DENND1A: variants seen among roughly 807,000 people sequenced by gnomAD.
DENND1A encodes DENN domain-containing protein 1A.
A neutral mutation model predicts 113.7 loss-of-function variants in DENND1A; 51 were observed. That is an observed-to-expected ratio of 0.45 (90% CI 0.36 to 0.57). DENND1A has a LOEUF of 0.57. Ranked by LOEUF, DENND1A falls within the 20% of genes least tolerant of loss-of-function variation. The pLI is 0.00. For synonymous variants in DENND1A, 565 were observed against 570.8 expected (o/e 0.99, Z 0.14); for missense variants, 1,258 against 1,395.9 (o/e 0.90, Z 1.57).
intron 5 of DENND1A, among the ~76,000 whole-genome samples, chr9:123,717,804 C>T (rs1460312546): frequency 6.6e-6 from 1 of 152,188 alleles, no homozygotes; most frequent in Non-Finnish European, 1.5e-5. Flanking sequence ...CAGTTTGTTC[C>T]CTACCACTCT....
intron 8 of DENND1A, among the ~76,000 whole-genome samples, chr9:123,652,741 T>A (rs930183162): frequency 6.6e-6 from 1 of 152,136 alleles, no homozygotes; most frequent in Non-Finnish European, 1.5e-5. Flanking sequence ...TTTCGAACAT[T>A]TACAATTTCC....
At chr9:123,760,142 T>G (rs2070915666) in intron 4 of DENND1A, among the ~76,000 whole-genome samples, 1 of 152,208 alleles carries the variant, frequency 6.6e-6, no homozygotes, top group South Asian at 2.1e-4. Context: ...TTCAAATTGG[T>G]AAAATAGTCA....
At chr9:123,448,326 C>G (rs1015686066) in intron 18 of DENND1A, among the ~76,000 whole-genome samples, 6 of 152,190 alleles carry the variant, frequency 3.9e-5, no homozygotes, top group African/African-American at 1.4e-4. Context: ...TGTTACTTAT[C>G]ATAAGAAGGG....
At chr9:123,412,205 C>T (rs966808829) in intron 19 of DENND1A, among the ~76,000 whole-genome samples, 7 of 152,346 alleles carry the variant, frequency 4.6e-5, no homozygotes, top group Admixed American at 2.6e-4. Context: ...ACTGCATGTC[C>T]CCCAAGACCG....
At chr9:123,620,263 AAAG>A (rs1441584186) in intron 10 of DENND1A, among the ~76,000 whole-genome samples, 1 of 151,720 alleles carries the variant, frequency 6.6e-6, no homozygotes. Context: ...AAAAAGGAAA[AAAG>A]AAATCATCCA....
In DENND1A at chr9:123,531,602, C is replaced by G. The variant is rs184732944; in HGVS notation, c.993+25968G>C. Among the ~76,000 whole-genome samples the G allele has an allele frequency of 2.2e-3, 329 of 147,628 alleles. 1 individual carries two copies. Among genetic ancestry groups the G allele is most frequent in the African/African-American group, 8.2e-3 (320 of 38,842 alleles). ...ACACACACACACACACACACACACA[C>G]AGAAGGCAATTATATGTGTTTTACA... On this transcript the variant is annotated intron_variant, in intron 13 of 23. Transcript: ENST00000394215.
intron 12 of DENND1A, among the ~76,000 whole-genome samples, chr9:123,580,001 G>A (rs1200562987): frequency 6.6e-6 from 1 of 152,144 alleles, no homozygotes; most frequent in African/African-American, 2.4e-5. Flanking sequence ...GAGACTGTCA[G>A]GACATAGAGG....
Position 123,781,250 on chromosome 9 carries a change from C to A in DENND1A, c.132+11337G>T, listed in dbSNP as rs191427115. 2.6e-4 allele frequency among the ~76,000 whole-genome samples: 39 copies of A among 152,284 alleles called. 2 individuals are homozygous for A. The highest frequency in any genetic ancestry group is 2.3e-3 in the Admixed American group (35 of 15,292). On this transcript the variant is annotated intron_variant, in intron 3 of 23. Transcript: ENST00000394215. ...GCCCAGGACATCCCAGTTATGCCCA[C>A]GATTTCTGTGTAGTCACAGTGCTCC...
intron 2 of DENND1A, among the ~76,000 whole-genome samples, chr9:123,806,547 G>A (rs977194710): frequency 6.6e-5 from 10 of 152,144 alleles, no homozygotes; most frequent in African/African-American, 2.2e-4. Context: ...GTGAGCCACC[G>A]TGCCCAGCCC....
chr9:123,568,407 T>C (rs997102627), intron 12 of DENND1A, among the ~76,000 whole-genome samples: 7 of 152,238 alleles, frequency 4.6e-5, no homozygotes, highest in African/African-American at 1.4e-4. Context: ...CCTGGCACAC[T>C]GTAGGGGCCT....
At chr9:123,460,249 T>C (rs1450701978) in intron 13 of DENND1A, among the ~76,000 whole-genome samples, 1 of 152,238 alleles carries the variant, frequency 6.6e-6, no homozygotes, top group Non-Finnish European at 1.5e-5. Flanking sequence ...TCTTCCTTGC[T>C]CAACAGCTGA....
At chr9:123,886,000 A>T in intron 1 of DENND1A, among the ~76,000 whole-genome samples, 1 of 152,058 alleles carries the variant, frequency 6.6e-6, no homozygotes, top group Non-Finnish European at 1.5e-5. Context: ...CTGGTCCTGA[A>T]CTCTTGACCT....
At chr9:123,487,212 G>A (rs930824377) in intron 13 of DENND1A, among the ~76,000 whole-genome samples, 1 of 152,212 alleles carries the variant, frequency 6.6e-6, no homozygotes, top group African/African-American at 2.4e-5. Flanking sequence ...ACAAGTCCGG[G>A]ATGTCTCAGT....
At position 123,886,393 on chromosome 9, in the gene DENND1A, T is replaced by C. The variant is rs144289551; in HGVS notation, c.18-7372A>G. On this transcript the variant is annotated intron_variant, in intron 1 of 23. Coordinates refer to ENST00000394215, the MANE Select transcript of DENND1A (RefSeq NM_001352964.2). Reference sequence around the variant, plus strand: ...TAAGGGTAATTTAGAGCTACAGACCTGAAACGAAATAGTTATTAGGACCCC... The same window carrying C: ...TAAGGGTAATTTAGAGCTACAGACCCGAAACGAAATAGTTATTAGGACCCC... Among the ~76,000 whole-genome samples the C allele has an allele frequency of 4.9e-3, 746 of 152,250 alleles. 3 individuals are homozygous for C. Among genetic ancestry groups the C allele is most frequent in the African/African-American group, 0.018 (729 of 41,540 alleles).
intron 5 of DENND1A, among the ~76,000 whole-genome samples, chr9:123,748,026 C>T (rs1478164629): frequency 1.3e-5 from 2 of 152,064 alleles, no homozygotes; most frequent in Admixed American, 6.5e-5. Flanking sequence ...TGAATGACAA[C>T]ATTATAGCAA....
intron 9 of DENND1A, among the ~76,000 whole-genome samples, chr9:123,636,654 C>T (rs1488838896): frequency 6.6e-6 from 1 of 151,650 alleles, no homozygotes; most frequent in Admixed American, 6.6e-5. Flanking sequence ...TGGAGAATGC[C>T]TCCAGATTCA....
chr9:123,478,850 G>C (rs895396580), intron 13 of DENND1A, among the ~76,000 whole-genome samples: 1 of 152,236 alleles, frequency 6.6e-6, no homozygotes, highest in African/African-American at 2.4e-5. Context: ...AGGGATGCGA[G>C]TGGTAGCTGA....
chr9:123,864,981 A>T (rs1845614486), intron 2 of DENND1A, among the ~76,000 whole-genome samples: 1 of 152,164 alleles, frequency 6.6e-6, no homozygotes, highest in South Asian at 2.1e-4. Context: ...TCTTAGACTG[A>T]GCATGACTGT....
At chr9:123,661,867 G>A (rs1431842998) in intron 8 of DENND1A, among the ~76,000 whole-genome samples, 3 of 152,172 alleles carry the variant, frequency 2.0e-5, no homozygotes, top group Non-Finnish European at 2.9e-5. Context: ...GAGAGAGATG[G>A]AAAATAGGAG....
Sources: allele counts gnomAD v4.1 joint callset (sites outside exome capture counted in the v4.1 genomes callset), GRCh38; gene constraint gnomAD v4.1.1; transcripts MANE v1.5; gene names NCBI Gene and HGNC (gene_info 2026-07-23, HGNC 2026-07-21).